Variants in GRAMD1B observed in about 807,000 individuals in gnomAD.
GRAMD1B encodes GRAM domain containing 1B.
GRAMD1B carries 37 observed loss-of-function variants against 99.7 expected under a neutral mutation model. The ratio of observed to expected loss-of-function variants is 0.37; its 90% CI spans 0.29 to 0.49. GRAMD1B has a LOEUF of 0.49. Among genes scored for constraint, GRAMD1B ranks in the 20% least tolerant of loss-of-function variants. GRAMD1B has a pLI of 0.98. For missense variants in GRAMD1B, 888 were observed against 1,009.2 expected, an observed-to-expected ratio of 0.88 and a Z score of 1.63; for synonymous variants, 427 against 387.6, an observed-to-expected ratio of 1.10 and a Z score of -1.19.
intron 1 of GRAMD1B, among the ~76,000 whole-genome samples, chr11:123,472,049 T>A (rs920905248): frequency 1.3e-5 from 2 of 151,938 alleles, no homozygotes; most frequent in Non-Finnish European, 2.9e-5. Context: ...AGGTGGATCA[T>A]TTGAGGCCAG....
intron 1 of GRAMD1B, among the ~76,000 whole-genome samples, chr11:123,456,441 T>C (rs1950122905): frequency 6.6e-6 from 1 of 152,154 alleles, no homozygotes; most frequent in African/African-American, 2.4e-5. Flanking sequence ...TTTACACTTG[T>C]CATTTACCTT....
chr11:123,383,111 T>C (rs145853844), intron 1 of GRAMD1B, among the ~76,000 whole-genome samples: 88 of 152,268 alleles, frequency 5.8e-4, no homozygotes, highest in African/African-American at 2.0e-3. Context: ...TGTGTAATGG[T>C]AGGTCGGGTA....
At chr11:123,593,598 A>C (rs1950918993) in intron 4 of GRAMD1B, among the ~76,000 whole-genome samples, 1 of 152,038 alleles carries the variant, frequency 6.6e-6, no homozygotes, top group Non-Finnish European at 1.5e-5. Flanking sequence ...TTCTTAGAAA[A>C]TCATGTCTTT....
intron 2 of GRAMD1B, among the ~76,000 whole-genome samples, chr11:123,500,075 C>T (rs1187387825): frequency 6.6e-6 from 1 of 152,206 alleles, no homozygotes; most frequent in Non-Finnish European, 1.5e-5. Flanking sequence ...CGCCTGTAAT[C>T]CCAGCACTTT....
At chr11:123,572,045 A>G (rs1948160843) in intron 2 of GRAMD1B, among the ~76,000 whole-genome samples, 2 of 152,160 alleles carry the variant, frequency 1.3e-5, no homozygotes, top group Non-Finnish European at 2.9e-5. Flanking sequence ...ATCCTTTCTC[A>G]TTCACCAAAA....
intron 1 of GRAMD1B, among the ~76,000 whole-genome samples, chr11:123,411,368 C>T (rs1257419584): frequency 6.6e-6 from 1 of 152,062 alleles, no homozygotes. Flanking sequence ...TATCACCTAC[C>T]ATGGTGCCTG....
intron 1 of GRAMD1B, among the ~76,000 whole-genome samples, chr11:123,457,582 G>A (rs1950216597): frequency 6.6e-6 from 1 of 152,222 alleles, no homozygotes; most frequent in Non-Finnish European, 1.5e-5. Context: ...GCAAACTGAA[G>A]TTCAGAACAA....
chr11:123,442,857 GCC>G (rs35315951), intron 1 of GRAMD1B, among the ~76,000 whole-genome samples: 3 of 150,896 alleles, frequency 2.0e-5, no homozygotes, highest in South Asian at 2.1e-4. Context: ...GATTATTTAT[GCC>G]CCCCCCCACC....
chr11:123,582,181 C>CATCT (rs1188522902), intron 3 of GRAMD1B, among the ~76,000 whole-genome samples: 1 of 152,210 alleles, frequency 6.6e-6, no homozygotes, highest in Non-Finnish European at 1.5e-5. Context: ...TTGTAATGAA[C>CATCT]ATCTGCACAG....
At chr11:123,588,066 C>T (rs1367273713) in intron 4 of GRAMD1B, among the ~76,000 whole-genome samples, 1 of 151,240 alleles carries the variant, frequency 6.6e-6, no homozygotes, top group Non-Finnish European at 1.5e-5. Flanking sequence ...CCCTTTCCCT[C>T]CTTTGCTCAG....
At chr11:123,406,997 T>C (rs1271487656) in intron 1 of GRAMD1B, among the ~76,000 whole-genome samples, 1 of 152,244 alleles carries the variant, frequency 6.6e-6, no homozygotes, top group Non-Finnish European at 1.5e-5. Context: ...CCTGTGGCAG[T>C]TTAGGTTTCT....
At chr11:123,379,718 T>C (rs771303115) in intron 1 of GRAMD1B, among the ~76,000 whole-genome samples, 36 of 152,266 alleles carry the variant, frequency 2.4e-4, no homozygotes, top group Non-Finnish European at 4.3e-4. Context: ...TACTGGGTCA[T>C]ATAGTAACTG....
At chr11:123,485,389 A>G (rs1363608924) in intron 2 of GRAMD1B, among the ~76,000 whole-genome samples, 3 of 152,222 alleles carry the variant, frequency 2.0e-5, no homozygotes, top group Non-Finnish European at 4.4e-5. Context: ...ACCTTACTCT[A>G]CACAGCAGTG....
intron 3 of GRAMD1B, among the ~76,000 whole-genome samples, chr11:123,582,044 A>G (rs926168575): frequency 1.3e-5 from 2 of 152,132 alleles, no homozygotes; most frequent in African/African-American, 4.8e-5. Flanking sequence ...AGCTTGGGAG[A>G]TGGTTTCTCC....
intron 1 of GRAMD1B, among the ~76,000 whole-genome samples, chr11:123,368,265 A>C (rs1208281492): frequency 1.4e-5 from 2 of 141,448 alleles, no homozygotes; most frequent in African/African-American, 2.9e-5. Context: ...AAACAAAAAA[A>C]AAAAAAAAAA....
At chr11:123,463,396 A>C (rs531557495) in intron 1 of GRAMD1B, among the ~76,000 whole-genome samples, 1 of 152,364 alleles carries the variant, frequency 6.6e-6, no homozygotes, top group Non-Finnish European at 1.5e-5. Context: ...AAGCATATAC[A>C]TGGGAGCACT....
At chr11:123,478,003 G>C (rs1365298012) in intron 1 of GRAMD1B, among the ~76,000 whole-genome samples, 2 of 151,854 alleles carry the variant, frequency 1.3e-5, no homozygotes, top group African/African-American at 4.8e-5. Flanking sequence ...ATGTTGGCCA[G>C]TCTCATCTCA....
intron 1 of GRAMD1B, among the ~76,000 whole-genome samples, chr11:123,380,657 G>A (rs1488464232): frequency 6.6e-6 from 1 of 152,148 alleles, no homozygotes; most frequent in African/African-American, 2.4e-5. Flanking sequence ...GCCCACCGCC[G>A]TTTCAACACG....
chr11:123,530,151 T>C (rs1274117153), intron 2 of GRAMD1B, among the ~76,000 whole-genome samples: 1 of 151,944 alleles, frequency 6.6e-6, no homozygotes. Flanking sequence ...GGATAAGCAC[T>C]GTGTGACAGA....
Sources: allele counts gnomAD v4.1 joint callset (sites outside exome capture counted in the v4.1 genomes callset), GRCh38; gene constraint gnomAD v4.1.1; transcripts MANE v1.5; gene names NCBI Gene and HGNC (gene_info 2026-07-23, HGNC 2026-07-21).